The following CDH8 variants were observed in gnomAD, a reference collection of about 807,000 sequenced individuals.
CDH8 encodes cadherin 8, also known as cadherin-8.
A neutral mutation model predicts 68.1 loss-of-function variants in CDH8; 17 were observed. That is an observed-to-expected ratio of 0.25 (90% CI 0.17 to 0.37). The LOEUF is 0.37. CDH8 is among the 10% of genes least tolerant of loss of function. The probability of loss-of-function intolerance (pLI) is 1.00; values close to 1 mark genes in which losing one functional copy is unlikely to be tolerated. For synonymous variants in CDH8, 372 were observed against 365.1 expected (o/e 1.02, Z -0.21); for missense variants, 763 against 999.3 (o/e 0.76, Z 3.19).
At chr16:61,807,476 T>TA (rs199759065) in intron 7 of CDH8, among the ~76,000 whole-genome samples, 38 of 151,152 alleles carry the variant, frequency 2.5e-4, no homozygotes, top group South Asian at 1.9e-3. Flanking sequence ...TAAAGTATAA[T>TA]AAAAAAAACA....
At chr16:61,762,598 C>G (rs1381012229) in intron 8 of CDH8, among the ~76,000 whole-genome samples, 1 of 152,078 alleles carries the variant, frequency 6.6e-6, no homozygotes, top group African/African-American at 2.4e-5. Flanking sequence ...TTCAAATTCT[C>G]AGGCCCCAAA....
At chr16:61,702,669 G>T (rs1331430787) in intron 10 of CDH8, among the ~76,000 whole-genome samples, 1 of 152,132 alleles carries the variant, frequency 6.6e-6, no homozygotes, top group South Asian at 2.1e-4. Context: ...TTAGCTGATG[G>T]TTGCTGACCT....
chr16:61,710,617 C>G (rs1250826951), intron 10 of CDH8: 1 of 152,002 alleles, frequency 6.6e-6, no homozygotes, highest in Non-Finnish European at 1.5e-5. Context: ...TCTCGTCTTA[C>G]CATAGGCTCT....
intron 2 of CDH8, among the ~76,000 whole-genome samples, chr16:62,007,252 A>C (rs1965990659): frequency 6.6e-6 from 1 of 152,162 alleles, no homozygotes; most frequent in Non-Finnish European, 1.5e-5. Flanking sequence ...AAACTGTCCA[A>C]GGGCTTACCC....
intron 2 of CDH8, among the ~76,000 whole-genome samples, chr16:61,927,265 C>A (rs1323613157): frequency 6.6e-6 from 1 of 152,028 alleles, no homozygotes; most frequent in Non-Finnish European, 1.5e-5. Context: ...TTTACATTAA[C>A]TAGAAGTATG....
intron 3 of CDH8, among the ~76,000 whole-genome samples, chr16:61,894,380 C>G (rs1263964490): frequency 6.6e-6 from 1 of 152,108 alleles, no homozygotes; most frequent in East Asian, 1.9e-4. Context: ...GATACTTTTA[C>G]TAAAACCCAC....
intron 2 of CDH8, among the ~76,000 whole-genome samples, chr16:61,970,754 G>A (rs972051496): frequency 6.6e-6 from 1 of 152,202 alleles, no homozygotes; most frequent in Admixed American, 6.5e-5. Context: ...AGACCCCACA[G>A]GTTGAGGGCT....
chr16:61,891,708 G>A (rs892633866), intron 3 of CDH8, among the ~76,000 whole-genome samples: 3 of 152,104 alleles, frequency 2.0e-5, no homozygotes, highest in African/African-American at 7.2e-5. Context: ...TTAGTCATTC[G>A]TATCAGGTAG....
chr16:61,725,028 ATGT>A (rs1345908823), intron 9 of CDH8: 3 of 150,898 alleles, frequency 2.0e-5, no homozygotes, highest in South Asian at 2.1e-4. Context: ...ATGTCCAAAA[ATGT>A]TGTTAAGTCA....
chr16:61,656,316 C>T (rs189394095), intron 10 of CDH8, among the ~76,000 whole-genome samples: 21 of 152,220 alleles, frequency 1.4e-4, no homozygotes, highest in African/African-American at 4.1e-4. Flanking sequence ...GTGTCCCTTC[C>T]GAAGACATAT....
intron 8 of CDH8, among the ~76,000 whole-genome samples, chr16:61,788,736 C>T (rs1288708882): frequency 6.6e-6 from 1 of 151,834 alleles, no homozygotes; most frequent in Admixed American, 6.6e-5. Flanking sequence ...AGACTCTCCT[C>T]CCCCATAATA....
chr16:61,735,938 T>C (rs1023297117), intron 8 of CDH8, among the ~76,000 whole-genome samples: 1 of 151,916 alleles, frequency 6.6e-6, no homozygotes, highest in African/African-American at 2.4e-5. Context: ...CTGGGCATGT[T>C]GGCACGCACC....
chr16:61,905,405 G>A (rs1234675878), intron 2 of CDH8, among the ~76,000 whole-genome samples: 1 of 151,808 alleles, frequency 6.6e-6, no homozygotes, highest in East Asian at 1.9e-4. Context: ...TAATATTTTA[G>A]TAAACTACAT....
At chr16:61,789,295 T>C (rs746151851) in intron 8 of CDH8, 51 bp downstream of exon 8, 10 of 1,546,780 alleles carry the variant, frequency 6.5e-6, no homozygotes, top group South Asian at 1.2e-5. Flanking sequence ...TTAATAAGCA[T>C]AAATTGAACT....
intron 1 of CDH8, among the ~76,000 whole-genome samples, chr16:62,034,340 C>G (rs757458258): frequency 2.6e-4 from 40 of 152,058 alleles, no homozygotes; most frequent in Non-Finnish European, 5.0e-4. Context: ...GGTGCAGCAG[C>G]GAGGCTGAAT....
intron 2 of CDH8, among the ~76,000 whole-genome samples, chr16:61,983,220 T>C (rs958159854): frequency 6.6e-6 from 1 of 152,206 alleles, no homozygotes; most frequent in African/African-American, 2.4e-5. Context: ...TGTGTACTTT[T>C]GTGACTTGCT....
At chr16:61,790,151 A>G (rs1323991857) in intron 7 of CDH8, among the ~76,000 whole-genome samples, 5 of 152,008 alleles carry the variant, frequency 3.3e-5, no homozygotes, top group Admixed American at 6.6e-5. Flanking sequence ...ACTACAGTCT[A>G]CTAAATTAAG....
In CDH8 at chr16:61,782,857, A is replaced by C. The variant is rs576124391; in HGVS notation, c.1414+6489T>G. Reference sequence around the variant, plus strand: ...GACACCTCACATGGCAGGGTATTCCAACAGACCTGCAGCTGAGGGTCCTGT... The same window carrying C: ...GACACCTCACATGGCAGGGTATTCCCACAGACCTGCAGCTGAGGGTCCTGT... On this transcript the variant is annotated intron_variant, in intron 8 of 11. Transcript: ENST00000577390. Among the ~76,000 whole-genome samples, 3 of 152,248 alleles carry C rather than the reference A, an allele frequency of 2.0e-5. No individual in the cohort carries two copies. The East Asian group carries it at 5.8e-4, about 29-fold the overall frequency.
At chr16:61,809,251 C>A (rs1961880906) in intron 7 of CDH8, among the ~76,000 whole-genome samples, 2 of 152,002 alleles carry the variant, frequency 1.3e-5, no homozygotes, top group Admixed American at 6.6e-5. Flanking sequence ...GGCCCACAGG[C>A]TTACCCCTGG....
Sources: allele counts gnomAD v4.1 joint callset (sites outside exome capture counted in the v4.1 genomes callset), GRCh38; gene constraint gnomAD v4.1.1; transcripts MANE v1.5; gene names NCBI Gene and HGNC (gene_info 2026-07-23, HGNC 2026-07-21).